The following SLC17A5 variants were observed in gnomAD, a reference collection of about 807,000 sequenced individuals.
The protein encoded by SLC17A5 is sialin.
Under a neutral mutation model 59.4 loss-of-function variants are expected in SLC17A5, and 47 were observed. That is an observed-to-expected ratio of 0.79 (90% CI 0.63 to 1.01). The LOEUF is 1.01. Among genes scored for constraint, SLC17A5 ranks in the 50% least tolerant of loss-of-function variants. The pLI, the probability that SLC17A5 is intolerant of heterozygous loss-of-function variation, is 0.00. For missense variants in SLC17A5, 522 were observed against 595.5 expected (o/e 0.88, Z 1.28); for synonymous variants, 202 against 210.7 (o/e 0.96, Z 0.36).
chr6:73,602,750 G>A (rs1270802251), intron 9 of SLC17A5, among the ~76,000 whole-genome samples: 2 of 148,812 alleles, frequency 1.3e-5, no homozygotes, highest in Non-Finnish European at 3.0e-5. Flanking sequence ...ACTCCAGCCT[G>A]GCCGACAGAG....
intron 7 of SLC17A5, among the ~76,000 whole-genome samples, chr6:73,617,793 T>C (rs1252362892): frequency 6.6e-6 from 1 of 152,208 alleles, no homozygotes; most frequent in Non-Finnish European, 1.5e-5. Flanking sequence ...TGAGCCAAGA[T>C]TGCGCCACTG....
intron 6 of SLC17A5, among the ~76,000 whole-genome samples, chr6:73,628,586 C>T (rs1484299302): frequency 2.0e-5 from 3 of 150,910 alleles, no homozygotes; most frequent in Non-Finnish European, 4.4e-5. Context: ...CCCCCACCCC[C>T]CAAAAAGGAA....
intron 2 of SLC17A5, among the ~76,000 whole-genome samples, chr6:73,644,064 G>T (rs1449591663): frequency 6.6e-6 from 1 of 152,074 alleles, no homozygotes; most frequent in Non-Finnish European, 1.5e-5. Context: ...GTGATATAGG[G>T]TTATAAATAA....
At chr6:73,632,291 C>CAAAAAAAA (rs71000140) in intron 6 of SLC17A5, among the ~76,000 whole-genome samples, 2 of 63,714 alleles carry the variant, frequency 3.1e-5, no homozygotes, top group Non-Finnish European at 6.0e-5. Flanking sequence ...GAGCTAGACT[C>CAAAAAAAA]AAAAAAAAAA....
At chr6:73,633,176 A>ATTTT (rs57624307) in intron 6 of SLC17A5, among the ~76,000 whole-genome samples, 2 of 124,938 alleles carry the variant, frequency 1.6e-5, no homozygotes, top group Non-Finnish European at 3.4e-5. Context: ...ACTTGTATTA[A>ATTTT]TTTTTTTTTT....
intron 3 of SLC17A5, among the ~76,000 whole-genome samples, chr6:73,641,227 G>A (rs1268798471): frequency 6.6e-6 from 1 of 152,064 alleles, no homozygotes; most frequent in Non-Finnish European, 1.5e-5. Context: ...TTACAGGTGT[G>A]CACCACCATG....
chr6:73,633,681 C>T (rs993038098), intron 6 of SLC17A5, among the ~76,000 whole-genome samples: 1 of 151,828 alleles, frequency 6.6e-6, no homozygotes, highest in Non-Finnish European at 1.5e-5. Flanking sequence ...GAGTTCGAGA[C>T]CAGCCTGGCC....
chr6:73,606,179 A>T (rs1042528939), intron 9 of SLC17A5, among the ~76,000 whole-genome samples: 1 of 151,856 alleles, frequency 6.6e-6, no homozygotes, highest in African/African-American at 2.4e-5. Context: ...AGTCAGTGGG[A>T]TTATAGTCGC....
chr6:73,617,381 G>A (rs1309351489), intron 7 of SLC17A5, among the ~76,000 whole-genome samples: 2 of 152,108 alleles, frequency 1.3e-5, no homozygotes, highest in Non-Finnish European at 2.9e-5. Flanking sequence ...ATTATTTGTG[G>A]CAAAATCCTG....
chr6:73,629,463 T>A (rs1278251932), intron 6 of SLC17A5, among the ~76,000 whole-genome samples: 1 of 151,560 alleles, frequency 6.6e-6, no homozygotes, highest in African/African-American at 2.4e-5. Context: ...AACCCCATGA[T>A]ATCCTTGGAA....
intron 6 of SLC17A5, among the ~76,000 whole-genome samples, chr6:73,622,255 G>A (rs1470448651): frequency 6.6e-6 from 1 of 151,710 alleles, no homozygotes; most frequent in African/African-American, 2.4e-5. Context: ...CTTTATGAAT[G>A]TCAGAAGTCA....
Position 73,594,286 on chromosome 6 carries a change from G to A in SLC17A5, c.*791C>T, listed in dbSNP as rs907207384. On this transcript the variant is annotated 3_prime_UTR_variant, in exon 11 of 11. Transcript: ENST00000355773. The stretch of plus-strand genomic sequence containing the variant: ...GCCCACCTCAGCCCCCCAAAGTGCT[G>A]GGATTACAGGCATGAGCCACCGTGC... 2 of 152,342 alleles carry A rather than the reference G, an allele frequency of 1.3e-5. No homozygotes were observed. Among genetic ancestry groups the A allele is most frequent in the African/African-American group, 4.8e-5 (2 of 41,424 alleles). 9.4% of individuals were successfully genotyped at this position (152,342 alleles called of 1,614,324 possible). A position where few individuals can be genotyped will look rare whatever the true frequency, so the allele number is the denominator to read the frequency against.
intron 7 of SLC17A5, chr6:73,618,635 A>G: frequency 2.5e-6 from 1 of 397,206 alleles, no homozygotes; most frequent in South Asian, 2.4e-5. Flanking sequence ...AACCATCTCT[A>G]TAAACACATT....
chr6:73,621,296 C>T (rs531926740), intron 7 of SLC17A5, among the ~76,000 whole-genome samples: 5 of 152,234 alleles, frequency 3.3e-5, no homozygotes, highest in Admixed American at 2.0e-4. Context: ...TGAGCGACCG[C>T]GCCTGGCCTT....
intron 9 of SLC17A5, among the ~76,000 whole-genome samples, chr6:73,608,202 C>T (rs185417794): frequency 1.7e-4 from 26 of 152,270 alleles, no homozygotes; most frequent in Admixed American, 3.9e-4. Flanking sequence ...GGGGCACTGA[C>T]CCTTTGACTT....
intron 1 of SLC17A5, among the ~76,000 whole-genome samples, chr6:73,652,736 CT>C (rs1474560877): frequency 5.0e-5 from 5 of 100,532 alleles, no homozygotes; most frequent in Non-Finnish European, 9.6e-5. Flanking sequence ...CTAAAATAAG[CT>C]CCCGGCTGCC....
chr6:73,635,780 T>G lies in SLC17A5; in HGVS notation c.701-280A>C, dbSNP rs525044. Among the ~76,000 whole-genome samples, 24,507 of 150,950 alleles carry G rather than the reference T, an allele frequency of 0.16. 3,047 individuals carry two copies. The highest frequency in any genetic ancestry group is 0.34 in the African/African-American group (14,116 of 40,982). Reference sequence around the variant, plus strand: ...TTTTGAGATAGAGTCTTGCTCTGTCTCACAGGCTGGAGTGCAGTGACGTGA... The same window carrying G: ...TTTTGAGATAGAGTCTTGCTCTGTCGCACAGGCTGGAGTGCAGTGACGTGA... On this transcript the variant is annotated intron_variant, in intron 5 of 10. Transcript: ENST00000355773.
intron 4 of SLC17A5, among the ~76,000 whole-genome samples, chr6:73,637,068 G>C (rs1002977062): frequency 6.8e-6 from 1 of 147,874 alleles, no homozygotes; most frequent in African/African-American, 2.5e-5. Context: ...CCTGGAGTGA[G>C]ACCCTGGCTC....
At chr6:73,602,636 G>A (rs183274307) in intron 9 of SLC17A5, among the ~76,000 whole-genome samples, 5 of 152,028 alleles carry the variant, frequency 3.3e-5, no homozygotes, top group Non-Finnish European at 7.4e-5. Context: ...TTAGCCGGCC[G>A]TGATGGCAGG....
Sources: allele counts gnomAD v4.1 joint callset (sites outside exome capture counted in the v4.1 genomes callset), GRCh38; gene constraint gnomAD v4.1.1; transcripts MANE v1.5; gene names NCBI Gene and HGNC (gene_info 2026-07-23, HGNC 2026-07-21).